Variants in SFXN5 observed in about 807,000 individuals in gnomAD.
The protein encoded by SFXN5 is sideroflexin 5, also known as sideroflexin-5.
In SFXN5, 43 loss-of-function variants were observed where a neutral mutation model predicts 50.2. That is an observed-to-expected ratio of 0.86 (90% CI 0.67 to 1.11). The LOEUF is 1.11. Among genes scored for constraint, SFXN5 ranks in the 50% least tolerant of loss-of-function variants. The pLI is 0.00. For synonymous variants in SFXN5, 203 were observed against 185.8 expected (o/e 1.09, Z -0.75); for missense variants, 463 against 454.1 (o/e 1.02, Z -0.18).
intron 9 of SFXN5, chr2:72,997,006 C>G (rs1383388113): frequency 6.6e-6 from 1 of 152,238 alleles, no homozygotes; most frequent in Non-Finnish European, 1.5e-5. Flanking sequence ...CACCAAGTCC[C>G]CAGTATCAGG....
At chr2:73,026,901 G>GT (rs1028868958) in intron 3 of SFXN5, among the ~76,000 whole-genome samples, 12 of 151,900 alleles carry the variant, frequency 7.9e-5, no homozygotes, top group Admixed American at 3.3e-4. Context: ...GCTAATTTTT[G>GT]TATTTTTAGT....
rs186728156 is a variant in SFXN5 at position 73,027,440 on chromosome 2, T to A, written c.250-4226A>T. Among the ~76,000 whole-genome samples the A allele has an allele frequency of 2.0e-5, 3 of 152,364 alleles. No individual in the cohort carries two copies. The East Asian group carries it at 5.8e-4, about 29-fold the overall frequency. On this transcript the variant is annotated intron_variant, in intron 3 of 13. Coordinates refer to ENST00000272433, the MANE Select transcript of SFXN5 (RefSeq NM_144579.3). Reference sequence around the variant, plus strand: ...TTTTAAAATGTACAAGTTTATGAAGTAGAGCTACAGTAAGCTAAGGTTAAT... The same window carrying A: ...TTTTAAAATGTACAAGTTTATGAAGAAGAGCTACAGTAAGCTAAGGTTAAT...
intron 9 of SFXN5, among the ~76,000 whole-genome samples, chr2:72,994,065 G>A (rs1672928327): frequency 6.6e-6 from 1 of 152,168 alleles, no homozygotes. Context: ...TAGAAGCTGA[G>A]AACACCACTC....
intron 10 of SFXN5, among the ~76,000 whole-genome samples, chr2:72,976,767 A>C (rs142171570): frequency 5.3e-5 from 8 of 152,346 alleles, no homozygotes; most frequent in African/African-American, 1.4e-4. Flanking sequence ...GTTCTCTTCT[A>C]AAAGGCTATT....
At chr2:72,998,445 C>T (rs1371873269) in intron 9 of SFXN5, 1 of 158,902 alleles carries the variant, frequency 6.3e-6, no homozygotes, top group African/African-American at 2.4e-5. Context: ...CAGAGTGAGC[C>T]TAACGCCCCT....
At chr2:73,041,662 C>A in intron 2 of SFXN5, 1 of 405,498 alleles carries the variant, frequency 2.5e-6, no homozygotes, top group Non-Finnish European at 5.0e-6. Flanking sequence ...AAGACTCCAT[C>A]TAAAAAAGAA....
At chr2:73,000,707 G>A (rs1350883236) in intron 7 of SFXN5, among the ~76,000 whole-genome samples, 5 of 152,172 alleles carry the variant, frequency 3.3e-5, no homozygotes, top group Non-Finnish European at 7.3e-5. Context: ...GAAGTCTCTC[G>A]GTTCCTGAAT....
At chr2:73,026,483 C>T (rs749818665) in intron 3 of SFXN5, among the ~76,000 whole-genome samples, 8 of 151,968 alleles carry the variant, frequency 5.3e-5, no homozygotes, top group Non-Finnish European at 1.2e-4. Context: ...AATGACAAAC[C>T]ACATATACAA....
At chr2:73,050,625 C>A (rs998515527) in intron 2 of SFXN5, among the ~76,000 whole-genome samples, 3 of 152,188 alleles carry the variant, frequency 2.0e-5, no homozygotes, top group African/African-American at 7.2e-5. Context: ...GAAACTTCTG[C>A]CCCTAAGGCC....
chr2:73,016,829 T>C (rs1676220467), intron 6 of SFXN5, among the ~76,000 whole-genome samples: 2 of 152,232 alleles, frequency 1.3e-5, no homozygotes. Context: ...AAACCCATCA[T>C]AAATTGAACA....
In SFXN5 at chr2:72,943,016, C is replaced by T. The variant is rs1671589846; in HGVS notation, c.*2006G>A. 6.6e-6 allele frequency: 1 copy of T among 152,312 alleles called. No individual in the cohort carries two copies. Among genetic ancestry groups the T allele is most frequent in the South Asian group, 2.1e-4 (1 of 4,834 alleles). 9.4% of individuals were successfully genotyped at this position (152,312 alleles called of 1,614,324 possible). On this transcript the variant is annotated 3_prime_UTR_variant, in exon 14 of 14. Coordinates refer to ENST00000272433, the MANE Select transcript of SFXN5 (RefSeq NM_144579.3). ...CTAGAGACCAGCACAGCGCAGCAGTCACTGGCATATTCACATTATGGTGGG... is the reference window on the plus strand; with the variant it reads ...CTAGAGACCAGCACAGCGCAGCAGTTACTGGCATATTCACATTATGGTGGG...
chr2:73,029,634 G>A (rs766728764), intron 3 of SFXN5, among the ~76,000 whole-genome samples: 1 of 152,188 alleles, frequency 6.6e-6, no homozygotes, highest in Non-Finnish European at 1.5e-5. Flanking sequence ...CCCGGCACTG[G>A]AGCATGTCAG....
At chr2:73,045,864 C>A (rs145517780) in intron 2 of SFXN5, among the ~76,000 whole-genome samples, 5 of 152,228 alleles carry the variant, frequency 3.3e-5, no homozygotes, top group Middle Eastern at 3.4e-3. Flanking sequence ...TGCGATGGGT[C>A]CTTGGCTCCC....
intron 3 of SFXN5, among the ~76,000 whole-genome samples, chr2:73,035,838 G>T (rs1678905644): frequency 6.6e-6 from 1 of 152,152 alleles, no homozygotes; most frequent in African/African-American, 2.4e-5. Context: ...GTCCCTGGAG[G>T]AGAGAGCAGC....
At chr2:73,003,809 T>C (rs1465687167) in intron 6 of SFXN5, among the ~76,000 whole-genome samples, 3 of 152,058 alleles carry the variant, frequency 2.0e-5, no homozygotes, top group Admixed American at 1.3e-4. Flanking sequence ...ACCACACACA[T>C]ACACACTGCC....
chr2:72,980,758 G>T (rs938113798), intron 10 of SFXN5, among the ~76,000 whole-genome samples: 5 of 152,146 alleles, frequency 3.3e-5, no homozygotes, highest in African/African-American at 4.8e-5. Flanking sequence ...ATCAACCAAA[G>T]ATAAAGCTCA....
intron 5 of SFXN5, 21 bp downstream of exon 5, chr2:73,022,501 A>G: frequency 6.2e-7 from 1 of 1,607,068 alleles, no homozygotes; most frequent in South Asian, 1.1e-5. Flanking sequence ...GACCAGAACC[A>G]GAAGGGCCCC....
intron 9 of SFXN5, among the ~76,000 whole-genome samples, chr2:72,991,693 C>T (rs1423004989): frequency 6.6e-6 from 1 of 152,226 alleles, no homozygotes; most frequent in East Asian, 1.9e-4. Context: ...TGGCCTTGAA[C>T]ATTTGGTAGA....
rs1278323376 is a variant in SFXN5 at position 72,943,574 on chromosome 2, G to A, written c.*1448C>T. On this transcript the variant is annotated 3_prime_UTR_variant, in exon 14 of 14. Coordinates refer to ENST00000272433, the MANE Select transcript of SFXN5 (RefSeq NM_144579.3). ...GGGAGATGGGAGCCAGCAGCAAGGGGCCTCTGAGGCTGCCAGAGTGAGAGG... is the reference window on the plus strand; with the variant it reads ...GGGAGATGGGAGCCAGCAGCAAGGGACCTCTGAGGCTGCCAGAGTGAGAGG... 1.3e-5 allele frequency: 2 copies of A among 153,078 alleles called. No individual in the cohort carries two copies. The highest frequency in any genetic ancestry group is 3.9e-4 in the East Asian group (2 of 5,184). The allele number at this position is 153,078 out of a possible 1,614,324, so 9.5% of individuals were successfully genotyped here. A position where few individuals can be genotyped will look rare whatever the true frequency, so the allele number is the denominator to read the frequency against.
Sources: gnomAD v4.1 joint callset for allele counts (sites outside exome capture counted in the v4.1 genomes callset) on GRCh38, gnomAD v4.1.1 for gene constraint, MANE v1.5 for transcripts, NCBI Gene and HGNC (gene_info 2026-07-23, HGNC 2026-07-21) for gene names.